The following CNTN4 variants were observed in gnomAD, a reference collection of about 807,000 sequenced individuals.
CNTN4 encodes contactin 4.
CNTN4 carries 77 observed loss-of-function variants against 122.5 expected under a neutral mutation model. The ratio of observed to expected loss-of-function variants is 0.63; its 90% CI spans 0.52 to 0.76. The LOEUF is 0.76. Ranked by LOEUF, CNTN4 falls within the 30% of genes least tolerant of loss-of-function variation. The pLI is 0.00. For missense variants in CNTN4, 1,256 were observed against 1,259.1 expected (o/e 1.00, Z 0.04); for synonymous variants, 512 against 447.0 (o/e 1.15, Z -1.83).
intron 2 of CNTN4, among the ~76,000 whole-genome samples, chr3:2,185,112 C>T (rs2037187291): frequency 6.6e-6 from 1 of 152,118 alleles, no homozygotes; most frequent in African/African-American, 2.4e-5. Flanking sequence ...GGAGCCTGGC[C>T]TGGGCTTTTT....
intron 4 of CNTN4, among the ~76,000 whole-genome samples, chr3:2,619,217 AAAG>A (rs1328233844): frequency 6.6e-6 from 1 of 152,216 alleles, no homozygotes; most frequent in East Asian, 1.9e-4. Flanking sequence ...GCAAACTATA[AAAG>A]AAGAGAAAAT....
At position 2,120,394 on chromosome 3, in the gene CNTN4, TA is replaced by T. The variant is rs2033675079; in HGVS notation, c.-145+19756del. 1.6e-4 allele frequency among the ~76,000 whole-genome samples: 5 copies of T among 31,656 alleles called. No individual in the cohort carries two copies. The Admixed American group carries it at 2.2e-3, about 14-fold the overall frequency. The allele number at this position is 31,656 out of a possible 152,430, so 20.8% of individuals were successfully genotyped here. A position where few individuals can be genotyped will look rare whatever the true frequency, so the allele number is the denominator to read the frequency against. Reference sequence around the variant, plus strand: ...ATATAAATATATATATATATATATATATATATATATATTTTTTTTTTTTTTT... The same window carrying T: ...ATATAAATATATATATATATATATATTATATATATATTTTTTTTTTTTTTT... On this transcript the variant is annotated intron_variant, in intron 2 of 24. Transcript: ENST00000418658.
chr3:2,338,016 C>A (rs919619679), intron 2 of CNTN4, among the ~76,000 whole-genome samples: 6 of 151,962 alleles, frequency 3.9e-5, no homozygotes, highest in Non-Finnish European at 7.4e-5. Context: ...ATATTAAAAC[C>A]AAACAGATGG....
At chr3:2,392,024 A>C (rs2046458293) in intron 3 of CNTN4, among the ~76,000 whole-genome samples, 1 of 152,172 alleles carries the variant, frequency 6.6e-6, no homozygotes, top group Non-Finnish European at 1.5e-5. Flanking sequence ...CTTCTTATGC[A>C]TCTCAGATTA....
At chr3:2,818,723 T>C (rs1428762482) in intron 6 of CNTN4, among the ~76,000 whole-genome samples, 1 of 152,220 alleles carries the variant, frequency 6.6e-6, no homozygotes, top group Non-Finnish European at 1.5e-5. Context: ...TACTGTGATC[T>C]TTGGGTTTAT....
chr3:2,569,878 C>T (rs578049540), intron 3 of CNTN4, among the ~76,000 whole-genome samples: 4 of 152,238 alleles, frequency 2.6e-5, no homozygotes, highest in East Asian at 1.9e-4. Context: ...TCCTTGATAA[C>T]GGGATATCAT....
rs2093355909 is a variant in CNTN4, at chr3:2,841,180, CTTTG to C, written c.454+21604_454+21607del. ...ATAGAATTTAAGTCAAAATATCTGT[CTTTG>C]TTTGCATTGCCCAAAGAAGTTGGAT... On this transcript the variant is annotated intron_variant, in intron 7 of 24. Coordinates refer to ENST00000418658, the MANE Select transcript of CNTN4 (RefSeq NM_175607.3). This position sits in a 1 kb window ranked among gnomAD's most constrained non-coding sequence, Gnocchi z 4.8. 6.6e-6 allele frequency among the ~76,000 whole-genome samples: 1 copy of C among 151,994 alleles called. No individual in the cohort carries two copies. Among genetic ancestry groups the C allele is most frequent in the African/African-American group, 2.4e-5 (1 of 41,290 alleles).
intron 2 of CNTN4, among the ~76,000 whole-genome samples, chr3:2,216,490 A>G (rs1392463718): frequency 6.6e-6 from 1 of 152,194 alleles, no homozygotes; most frequent in African/African-American, 2.4e-5. Flanking sequence ...CCGTGACATG[A>G]GTTTACCTAT....
At chr3:2,351,234 A>C (rs2044602249) in intron 3 of CNTN4, among the ~76,000 whole-genome samples, 2 of 152,206 alleles carry the variant, frequency 1.3e-5, no homozygotes, top group African/African-American at 2.4e-5. Flanking sequence ...TCAAACTAGA[A>C]AGAGTGAACT....
intron 3 of CNTN4, among the ~76,000 whole-genome samples, chr3:2,418,915 A>AACCC (rs942367605): frequency 3.3e-5 from 5 of 152,176 alleles, no homozygotes; most frequent in Non-Finnish European, 4.4e-5. Flanking sequence ...AGAATCCTAC[A>AACCC]ACCCGTAGGA....
intron 23 of CNTN4, among the ~76,000 whole-genome samples, chr3:3,046,708 A>G (rs1164266039): frequency 6.6e-6 from 1 of 152,184 alleles, no homozygotes; most frequent in Non-Finnish European, 1.5e-5. Flanking sequence ...TGCTAGGAAG[A>G]AACTGCATCA....
At chr3:2,190,331 G>GTT (rs1553598526) in intron 2 of CNTN4, among the ~76,000 whole-genome samples, 46 of 147,232 alleles carry the variant, frequency 3.1e-4, no homozygotes, top group African/African-American at 1.0e-3. Context: ...GTGTCTTTGT[G>GTT]TTTTTTTTTT....
intron 3 of CNTN4, among the ~76,000 whole-genome samples, chr3:2,349,935 A>G (rs1456434718): frequency 6.6e-6 from 1 of 152,186 alleles, no homozygotes; most frequent in Non-Finnish European, 1.5e-5. Context: ...ATGAAATAGC[A>G]TACAACAGGA....
chr3:2,921,290 G>C (rs2094427600), intron 12 of CNTN4, among the ~76,000 whole-genome samples: 1 of 152,180 alleles, frequency 6.6e-6, no homozygotes, highest in Non-Finnish European at 1.5e-5. Flanking sequence ...TCCCGCCTTG[G>C]CCTCCCAAAG....
intron 16 of CNTN4, 103 bp from the exon 17 acceptor site, chr3:3,034,528 TG>T: frequency 8.4e-7 from 1 of 1,193,852 alleles, no homozygotes; most frequent in Non-Finnish European, 1.2e-6. Flanking sequence ...AATCTGTGAA[TG>T]GGTAGATAAA....
intron 3 of CNTN4, among the ~76,000 whole-genome samples, chr3:2,465,469 G>A (rs956885039): frequency 1.3e-5 from 2 of 152,192 alleles, no homozygotes; most frequent in African/African-American, 4.8e-5. Context: ...CTGAGCTCAG[G>A]AGTTCGTGAC....
chr3:2,771,815 C>T (rs2091113930), intron 6 of CNTN4, among the ~76,000 whole-genome samples: 1 of 152,090 alleles, frequency 6.6e-6, no homozygotes, highest in Non-Finnish European at 1.5e-5. Flanking sequence ...GTAATGAAAA[C>T]ATGGAGAAGC....
chr3:2,225,380 G>T (rs149669926), intron 2 of CNTN4, among the ~76,000 whole-genome samples: 24 of 151,958 alleles, frequency 1.6e-4, no homozygotes, highest in African/African-American at 5.8e-4. Context: ...CGGGTGTGGT[G>T]GTGGGCGCCT....
At chr3:2,444,183 C>T (rs889638966) in intron 3 of CNTN4, among the ~76,000 whole-genome samples, 4 of 147,790 alleles carry the variant, frequency 2.7e-5, no homozygotes, top group African/African-American at 5.0e-5. Context: ...ATAAAAATCT[C>T]TGCCTTATGA....
Sources: gnomAD v4.1 joint callset for allele counts (sites outside exome capture counted in the v4.1 genomes callset) on GRCh38, gnomAD v4.1.1 for gene constraint, Gnocchi (gnomAD v3.1) non-coding constraint, MANE v1.5 for transcripts, NCBI Gene and HGNC (gene_info 2026-07-23, HGNC 2026-07-21) for gene names.